AHI1: variants seen among roughly 807,000 people sequenced by gnomAD.
The protein encoded by AHI1 is jouberin.
In AHI1, 123 loss-of-function variants were observed where a neutral mutation model predicts 149.3. The observed-to-expected ratio is 0.82, with a 90% CI of 0.71 to 0.96. The LOEUF (loss-of-function observed/expected upper bound fraction) is 0.96. Among genes scored for constraint, AHI1 ranks in the 40% least tolerant of loss-of-function variants. The pLI is 0.00. For synonymous variants in AHI1, 475 were observed against 459.8 expected (o/e 1.03, Z -0.42); for missense variants, 1,439 against 1,422.7 (o/e 1.01, Z -0.18).
At chr6:135,437,218 T>G (rs530494248) in intron 15 of AHI1, among the ~76,000 whole-genome samples, 2 of 152,312 alleles carry the variant, frequency 1.3e-5, no homozygotes, top group Non-Finnish European at 2.9e-5. Context: ...CATGGTAAGT[T>G]TGGATCTGCT....
At chr6:135,426,810 C>T (rs1012171165) in intron 20 of AHI1, among the ~76,000 whole-genome samples, 18 of 151,418 alleles carry the variant, frequency 1.2e-4, no homozygotes, top group African/African-American at 4.1e-4. Flanking sequence ...TGATTTTCCC[C>T]CTACTTTTTA....
rs761563185 is a variant in AHI1 at position 135,410,375 on chromosome 6, T to TAAAAC, written c.2961+968_2961+972dup. 9.9e-5 allele frequency among the ~76,000 whole-genome samples: 15 copies of TAAAAC among 152,170 alleles called. 1 individual carries two copies. The highest frequency in any genetic ancestry group is 1.9e-4 in the East Asian group (1 of 5,192). On this transcript the variant is annotated intron_variant, in intron 21 of 28. Transcript: ENST00000265602. ...ACAAAGTGAGACCCTGTCTCTAAAT[T>TAAAAC]AAAACAAAACAAAACAACCAAAAAC...
At chr6:135,348,350 T>C (rs938141253) in intron 24 of AHI1, among the ~76,000 whole-genome samples, 24 of 152,208 alleles carry the variant, frequency 1.6e-4, no homozygotes, top group African/African-American at 4.8e-5. Flanking sequence ...CTTCATTTCA[T>C]AGCCTGTTAA....
chr6:135,435,422 A>G (rs970103511), intron 15 of AHI1, among the ~76,000 whole-genome samples: 1 of 152,200 alleles, frequency 6.6e-6, no homozygotes, highest in Non-Finnish European at 1.5e-5. Context: ...AAGGCACTTA[A>G]TTTTTGTTGA....
Position 135,466,315 on chromosome 6 carries a change from C to T in AHI1, c.248G>A (p.Ser83Asn). 1 of 1,613,902 alleles carries T rather than the reference C, an allele frequency of 6.2e-7. No individual in the cohort carries two copies. Among genetic ancestry groups the T allele is most frequent in the South Asian group, 1.1e-5 (1 of 91,072 alleles). Reference sequence around the variant, plus strand: ...CTTCAGGTTGTTAGTGTTAGCAGCACTTACATCATCACTTGTAGTTTCTTT... The same window carrying T: ...CTTCAGGTTGTTAGTGTTAGCAGCATTTACATCATCACTTGTAGTTTCTTT... ...HIKETTSDDV[S>N]AANTNNLKKS... Residue 83 changes from serine (S) to asparagine (N), a missense_variant, in exon 7 of 29, where the codon AGT (serine) becomes AAT (asparagine). Transcript: ENST00000265602.
chr6:135,296,043 C>A (rs979736252), intron 27 of AHI1, among the ~76,000 whole-genome samples: 27 of 151,998 alleles, frequency 1.8e-4, no homozygotes, highest in African/African-American at 5.8e-4. Context: ...TTAGTAGAGA[C>A]AAAGTTTCAC....
intron 23 of AHI1, among the ~76,000 whole-genome samples, chr6:135,377,764 T>C (rs1386185389): frequency 6.6e-6 from 1 of 152,076 alleles, no homozygotes. Context: ...CATGAACCAC[T>C]GAGCCCAGCC....
At chr6:135,308,301 T>G (rs928058242) in intron 26 of AHI1, among the ~76,000 whole-genome samples, 1 of 152,174 alleles carries the variant, frequency 6.6e-6, no homozygotes, top group Non-Finnish European at 1.5e-5. Context: ...AGTAGCACGA[T>G]CACTGTTCAC....
chr6:135,292,829 G>A (rs1395732435), intron 27 of AHI1, among the ~76,000 whole-genome samples: 1 of 152,170 alleles, frequency 6.6e-6, no homozygotes, highest in Non-Finnish European at 1.5e-5. Flanking sequence ...CAAGGAGGAA[G>A]TAATACTAAA....
intron 23 of AHI1, among the ~76,000 whole-genome samples, chr6:135,390,034 A>T (rs1431040265): frequency 6.6e-6 from 1 of 151,370 alleles, no homozygotes; most frequent in African/African-American, 2.4e-5. Context: ...TATTTTTTTT[A>T]AACTCATGAG....
At chr6:135,373,672 AC>A (rs1428308015) in intron 23 of AHI1, among the ~76,000 whole-genome samples, 2 of 152,290 alleles carry the variant, frequency 1.3e-5, no homozygotes, top group East Asian at 3.9e-4. Flanking sequence ...AACCCTACCA[AC>A]CTTTAACTCA....
In AHI1 at chr6:135,490,622, C is replaced by T. The variant is rs1211926093; in HGVS notation, c.135+1G>A. On this transcript the variant is annotated splice_donor_variant, in intron 5 of 28. Transcript: ENST00000265602. LOFTEE classifies it high-confidence loss of function. ...CTATTACCCAATGATCATTTACTTA[C>T]TGAGATGTTTTCTTCAGACCTGACA... The T allele has an allele frequency of 6.2e-7, 1 of 1,613,560 alleles. No homozygotes were observed. Among genetic ancestry groups the T allele is most frequent in the South Asian group, 1.1e-5 (1 of 91,028 alleles).
chr6:135,424,245 G>A (rs1783628099), intron 20 of AHI1, among the ~76,000 whole-genome samples: 1 of 151,946 alleles, frequency 6.6e-6, no homozygotes. Context: ...GAGGATAACA[G>A]CCCCTATGTC....
intron 20 of AHI1, among the ~76,000 whole-genome samples, chr6:135,426,308 A>C (rs73562021): frequency 1.3e-3 from 194 of 151,884 alleles, no homozygotes; most frequent in African/African-American, 4.2e-3. Context: ...TCTTTAAAAT[A>C]AGATTACATT....
intron 25 of AHI1, among the ~76,000 whole-genome samples, chr6:135,320,657 G>C (rs1391659455): frequency 6.6e-6 from 1 of 152,134 alleles, no homozygotes; most frequent in Non-Finnish European, 1.5e-5. Flanking sequence ...AGCCTAAGAG[G>C]TTATTTTTGT....
intron 23 of AHI1, among the ~76,000 whole-genome samples, chr6:135,366,370 C>T (rs779839518): frequency 2.0e-4 from 31 of 151,950 alleles, no homozygotes; most frequent in Non-Finnish European, 2.5e-4. Context: ...GGTAACAATT[C>T]TTCTTTGAAT....
Position 135,355,579 on chromosome 6 carries a change from T to C in AHI1, c.3165+2553A>G, listed in dbSNP as rs569649313. 3.3e-5 allele frequency among the ~76,000 whole-genome samples: 5 copies of C among 152,242 alleles called. No individual in the cohort carries two copies. The South Asian group carries it at 6.2e-4, about 19-fold the overall frequency. On this transcript the variant is annotated intron_variant, in intron 24 of 28. Coordinates refer to ENST00000265602, the MANE Select transcript of AHI1 (RefSeq NM_001134831.2). Reference sequence around the variant, plus strand: ...CCATAACCATATATTTACTGAAAACTTCACTTAGAATTCCAACTTGGAATG... The same window carrying C: ...CCATAACCATATATTTACTGAAAACCTCACTTAGAATTCCAACTTGGAATG...
At chr6:135,468,911 G>A (rs1372277381) in intron 5 of AHI1, among the ~76,000 whole-genome samples, 1 of 152,134 alleles carries the variant, frequency 6.6e-6, no homozygotes, top group Admixed American at 6.5e-5. Flanking sequence ...ATTTACAGCT[G>A]AATTCTACCA....
At chr6:135,308,099 A>T (rs999909275) in intron 26 of AHI1, among the ~76,000 whole-genome samples, 8 of 152,226 alleles carry the variant, frequency 5.3e-5, no homozygotes, top group Non-Finnish European at 1.5e-5. Context: ...ACAACGACTG[A>T]TACTAGTCAA....
Sources: gnomAD v4.1 joint callset for allele counts (sites outside exome capture counted in the v4.1 genomes callset) on GRCh38, gnomAD v4.1.1 for gene constraint, MANE v1.5 for transcripts, NCBI Gene and HGNC (gene_info 2026-07-23, HGNC 2026-07-21) for gene names.